SMAP1: variants seen among roughly 807,000 people sequenced by gnomAD.
SMAP1 encodes the protein small ArfGAP 1.
In SMAP1, 24 loss-of-function variants were observed where a neutral mutation model predicts 58.5. The observed-to-expected ratio is 0.41, with a 90% CI of 0.30 to 0.58. The LOEUF is 0.58. Among genes scored for constraint, SMAP1 ranks in the 20% least tolerant of loss-of-function variants. SMAP1 has a pLI of 0.29. For synonymous variants in SMAP1, 216 were observed against 196.6 expected, an observed-to-expected ratio of 1.10 and a Z score of -0.82; for missense variants, 563 against 566.3, an observed-to-expected ratio of 0.99 and a Z score of 0.06.
rs1554194434 is a variant in SMAP1, at chr6:70,729,459, T to TGTGTG, written c.119-2919_119-2918insGTGTG. ...GTCTCAAAAAAAAAAAAAAAGAAGG[T>TGTGTG]TGTGTGTGTGTGTGTGTGTGTGTGT... On this transcript the variant is annotated intron_variant, in intron 1 of 10. Coordinates refer to ENST00000370455, the MANE Select transcript of SMAP1 (RefSeq NM_001044305.3). Among the ~76,000 whole-genome samples, 599 of 128,164 alleles carry TGTGTG rather than the reference T, an allele frequency of 4.7e-3. 5 individuals are homozygous for TGTGTG. Among genetic ancestry groups the TGTGTG allele is most frequent in the African/African-American group, 0.017 (577 of 34,096 alleles). 84.1% of individuals were successfully genotyped at this position (128,164 alleles called of 152,430 possible).
chr6:70,758,082 G>A (rs1010682498), intron 3 of SMAP1, among the ~76,000 whole-genome samples: 21 of 151,728 alleles, frequency 1.4e-4, no homozygotes, highest in African/African-American at 5.1e-4. Context: ...TATGTTTATT[G>A]CAGCATTATT....
intron 6 of SMAP1, among the ~76,000 whole-genome samples, chr6:70,823,420 G>A (rs140838926): frequency 6.6e-6 from 1 of 152,206 alleles, no homozygotes; most frequent in African/African-American, 2.4e-5. Context: ...CCTTCCTCTA[G>A]GTAGGTTAAG....
intron 3 of SMAP1, among the ~76,000 whole-genome samples, chr6:70,757,294 G>A (rs1210211306): frequency 1.0e-4 from 15 of 149,664 alleles, no homozygotes; most frequent in Admixed American, 3.3e-4. Context: ...AATAAATGGT[G>A]CTGGGAAAAC....
chr6:70,810,866 G>T (rs1231847267), intron 6 of SMAP1, among the ~76,000 whole-genome samples: 1 of 152,026 alleles, frequency 6.6e-6, no homozygotes, highest in Non-Finnish European at 1.5e-5. Context: ...TACATATACT[G>T]TGCCTTTCTG....
intron 1 of SMAP1, among the ~76,000 whole-genome samples, chr6:70,682,170 ATTTT>A (rs66981900): frequency 8.3e-5 from 8 of 95,910 alleles, no homozygotes; most frequent in African/African-American, 3.4e-4. Flanking sequence ...CTCTGCACAG[ATTTT>A]TTTTTTTTTT....
intron 4 of SMAP1, among the ~76,000 whole-genome samples, chr6:70,791,307 A>G (rs918346417): frequency 1.3e-5 from 2 of 152,144 alleles, no homozygotes; most frequent in Admixed American, 6.5e-5. Flanking sequence ...TTGCTCTTCT[A>G]CTACTTGGGA....
At chr6:70,739,271 A>G (rs538196080) in intron 2 of SMAP1, among the ~76,000 whole-genome samples, 6 of 152,282 alleles carry the variant, frequency 3.9e-5, no homozygotes, top group South Asian at 4.1e-4. Flanking sequence ...TGAAGGTGAG[A>G]TAAGCATAGT....
At chr6:70,859,304 A>C (rs1771588758) in intron 10 of SMAP1, 1 of 1,523,076 alleles carries the variant, frequency 6.6e-7, no homozygotes. Context: ...ACCAGGAAGG[A>C]GTTAATACTG....
intron 6 of SMAP1, among the ~76,000 whole-genome samples, chr6:70,811,695 T>C (rs1177308613): frequency 3.3e-5 from 5 of 152,182 alleles, no homozygotes; most frequent in Non-Finnish European, 7.3e-5. Context: ...TCTAGATTAC[T>C]TATATAGTAA....
rs189974884 is a variant in SMAP1, at chr6:70,702,641, C to T, written c.119-29737C>T. 2.0e-3 allele frequency among the ~76,000 whole-genome samples: 287 copies of T among 144,606 alleles called. 4 individuals carry two copies. The highest frequency in any genetic ancestry group is 0.016 in the Admixed American group (235 of 14,430). The allele number at this position is 144,606 out of a possible 152,430, so 94.9% of individuals were successfully genotyped here. The stretch of plus-strand genomic sequence containing the variant: ...TTTCTTTCTTCTTCTTCTTCTTCTT[C>T]TTTTTTTTTTTTTGAGGCAGAGTCT... On this transcript the variant is annotated intron_variant, in intron 1 of 10. Transcript: ENST00000370455.
chr6:70,674,420 C>G (rs1766394059), intron 1 of SMAP1, among the ~76,000 whole-genome samples: 1 of 152,078 alleles, frequency 6.6e-6, no homozygotes, highest in South Asian at 2.1e-4. Context: ...GCCCCTTTTG[C>G]TTATTTCAAA....
chr6:70,755,006 A>T lies in SMAP1; in HGVS notation c.279A>T (p.Lys93Asn). The T allele has an allele frequency of 6.2e-7, 1 of 1,610,292 alleles. No individual in the cohort carries two copies. The highest frequency in any genetic ancestry group is 8.5e-7 in the Non-Finnish European group (1 of 1,177,386). ...IQCMQDMGNTKARLLYEANLP... is the reference protein window; with the variant it reads ...IQCMQDMGNTNARLLYEANLP... The stretch of plus-strand genomic sequence containing the variant: ...GCATGCAAGATATGGGAAATACTAA[A>T]GCAAGACTACTCTATGAAGCCAATC... The change falls in exon 3 of 11, where the codon AAA becomes AAT. Residue 93 changes from lysine to asparagine, a missense_variant. Lys to Asn is a moderately conservative substitution (Grantham distance 94). Transcript: ENST00000370455.
At chr6:70,779,266 C>T (rs138349427) in intron 4 of SMAP1, among the ~76,000 whole-genome samples, 23 of 152,256 alleles carry the variant, frequency 1.5e-4, no homozygotes, top group South Asian at 8.3e-4. Context: ...TGAGACCTTC[C>T]GGGAAGATGT....
intron 1 of SMAP1, among the ~76,000 whole-genome samples, chr6:70,705,880 A>G (rs1327403712): frequency 1.3e-5 from 2 of 152,218 alleles, no homozygotes; most frequent in Non-Finnish European, 1.5e-5. Context: ...TTCCATAGCC[A>G]TAAGCGTCTG....
chr6:70,769,806 T>A (rs1163673950), intron 3 of SMAP1, among the ~76,000 whole-genome samples: 1 of 152,200 alleles, frequency 6.6e-6, no homozygotes, highest in Non-Finnish European at 1.5e-5. Context: ...TGATGTTAGC[T>A]GGTTATTTTG....
chr6:70,687,587 G>T (rs1016609450), intron 1 of SMAP1, among the ~76,000 whole-genome samples: 2 of 151,996 alleles, frequency 1.3e-5, no homozygotes, highest in African/African-American at 4.8e-5. Flanking sequence ...GTGCATGTTT[G>T]GGATGGAAGG....
At chr6:70,776,799 A>G (rs1011181320) in intron 4 of SMAP1, among the ~76,000 whole-genome samples, 2 of 152,112 alleles carry the variant, frequency 1.3e-5, no homozygotes, top group African/African-American at 4.8e-5. Flanking sequence ...AGGATTATCC[A>G]TGTTGCTGTG....
chr6:70,724,388 G>T (rs1046107652), intron 1 of SMAP1, among the ~76,000 whole-genome samples: 5 of 152,032 alleles, frequency 3.3e-5, no homozygotes, highest in African/African-American at 1.2e-4. Flanking sequence ...TAGAGAAGGG[G>T]TTTCATCATG....
At chr6:70,714,039 C>T (rs567949817) in intron 1 of SMAP1, among the ~76,000 whole-genome samples, 5 of 152,222 alleles carry the variant, frequency 3.3e-5, no homozygotes, top group African/African-American at 9.6e-5. Flanking sequence ...CAGTGTACTT[C>T]GATGCAAATA....
Sources: gnomAD v4.1 joint callset for allele counts (sites outside exome capture counted in the v4.1 genomes callset) on GRCh38, gnomAD v4.1.1 for gene constraint, MANE v1.5 for transcripts, NCBI Gene and HGNC (gene_info 2026-07-23, HGNC 2026-07-21) for gene names.